The following MKLN1 variants were observed in gnomAD, a reference collection of about 807,000 sequenced individuals.
MKLN1 encodes muskelin 1.
MKLN1 carries 18 observed loss-of-function variants against 99.0 expected under a neutral mutation model. That is an observed-to-expected ratio of 0.18 (90% CI 0.13 to 0.27). MKLN1 has a LOEUF of 0.27. Among genes scored for constraint, MKLN1 ranks in the 10% least tolerant of loss-of-function variants. MKLN1 has a pLI of 1.00. For synonymous variants in MKLN1, 288 were observed against 293.2 expected (o/e 0.98, Z 0.18); for missense variants, 621 against 875.9 (o/e 0.71, Z 3.67).
rs754415205 is a variant in MKLN1, at chr7:131,142,981, C to CA, written c.-297+46dup. The CA allele has an allele frequency of 4.8e-6, 6 of 1,259,760 alleles. No individual in the cohort carries two copies. The African/African-American group carries it at 9.3e-5, about 19-fold the overall frequency. The allele number at this position is 1,259,760 out of a possible 1,614,324, so 78.0% of individuals were successfully genotyped here. A position where few individuals can be genotyped will look rare whatever the true frequency, so the allele number is the denominator to read the frequency against. On this transcript the variant is annotated intron_variant, in intron 2 of 7. Coordinates refer to the MKLN1 transcript ENST00000416992. ...TTTAGTTTTTTCTTTCTTTAGTTGTCAAAAAAGTACTGTACCTATATAGTA... is the reference window on the plus strand; with the variant it reads ...TTTAGTTTTTTCTTTCTTTAGTTGTCAAAAAAAGTACTGTACCTATATAGTA...
At chr7:131,194,652 C>G (rs533378422) in intron 2 of MKLN1, among the ~76,000 whole-genome samples, 2 of 152,208 alleles carry the variant, frequency 1.3e-5, no homozygotes, top group Non-Finnish European at 2.9e-5. Flanking sequence ...TTTCATTTCC[C>G]TTATCACAAA....
At chr7:131,199,716 C>T (rs567083660) in intron 2 of MKLN1, among the ~76,000 whole-genome samples, 38 of 152,296 alleles carry the variant, frequency 2.5e-4, no homozygotes, top group Non-Finnish European at 5.0e-4. Flanking sequence ...AAAATTGAGA[C>T]GGAGTCTCAC....
chr7:131,334,891 A>T (rs939605098), intron 1 of MKLN1, among the ~76,000 whole-genome samples: 11 of 152,220 alleles, frequency 7.2e-5, no homozygotes, highest in African/African-American at 2.7e-4. Context: ...GAGATCCCTA[A>T]TTACTGTTTG....
chr7:131,373,047 T>C (rs1475576927), intron 1 of MKLN1, among the ~76,000 whole-genome samples: 1 of 151,984 alleles, frequency 6.6e-6, no homozygotes, highest in Non-Finnish European at 1.5e-5. Context: ...ACACAGTCAT[T>C]GTCGTGGTTG....
intron 16 of MKLN1, among the ~76,000 whole-genome samples, chr7:131,477,244 G>T (rs915594073): frequency 5.9e-5 from 9 of 152,000 alleles, no homozygotes; most frequent in African/African-American, 2.2e-4. Context: ...CTCATTAAAG[G>T]ACTTTTAAAA....
intron 1 of MKLN1, among the ~76,000 whole-genome samples, chr7:131,332,388 C>T (rs978840864): frequency 6.8e-6 from 1 of 147,636 alleles, no homozygotes; most frequent in Non-Finnish European, 1.5e-5. Flanking sequence ...TTTGTCTCTA[C>T]AAAAGAAAAA....
intron 3 of MKLN1, among the ~76,000 whole-genome samples, chr7:131,219,209 T>A (rs985247098): frequency 4.2e-5 from 3 of 71,574 alleles, no homozygotes; most frequent in African/African-American, 8.2e-5. Flanking sequence ...ATTTTGGGTA[T>A]TTTTTACCAC....
At position 131,443,623 on chromosome 7, in the gene MKLN1, A is replaced by C. The variant is rs370518867; in HGVS notation, c.1316A>C (p.Lys439Thr). 39 of 1,614,014 alleles carry C rather than the reference A, an allele frequency of 2.4e-5. No individual in the cohort carries two copies. Among genetic ancestry groups the C allele is most frequent in the Non-Finnish European group, 3.1e-5 (37 of 1,180,002 alleles). ...FAFNCQCQTWKLLREDSCNAG... is the reference protein window; with the variant it reads ...FAFNCQCQTWTLLREDSCNAG... Reference sequence around the variant, plus strand: ...TTCAACTGTCAATGTCAAACCTGGAAACTTCTTCGAGAGGACTCCTGTAAT... The same window carrying C: ...TTCAACTGTCAATGTCAAACCTGGACACTTCTTCGAGAGGACTCCTGTAAT... Residue 439 changes from lysine (K) to threonine (T), a missense_variant, in exon 11 of 18, where the codon AAA becomes ACA. By Grantham distance (78) the Lys-to-Thr change is moderately conservative. Coordinates refer to ENST00000352689, the MANE Select transcript of MKLN1 (RefSeq NM_013255.5).
chr7:131,394,523 C>T (rs937807436), intron 4 of MKLN1, among the ~76,000 whole-genome samples: 1 of 152,030 alleles, frequency 6.6e-6, no homozygotes, highest in African/African-American at 2.4e-5. Flanking sequence ...GCTGATCTGA[C>T]AGGAGGCAGA....
At chr7:131,424,827 T>A (rs1164925415) in intron 8 of MKLN1, among the ~76,000 whole-genome samples, 2 of 152,308 alleles carry the variant, frequency 1.3e-5, no homozygotes, top group East Asian at 3.9e-4. Context: ...CTTCAGTCAG[T>A]CCTGTATGCT....
At chr7:131,405,588 A>C (rs1205119113) in intron 6 of MKLN1, among the ~76,000 whole-genome samples, 1 of 152,060 alleles carries the variant, frequency 6.6e-6, no homozygotes, top group Non-Finnish European at 1.5e-5. Context: ...TATACATTTA[A>C]ATATATAAAA....
chr7:131,469,217 G>A (rs552785594), intron 15 of MKLN1, among the ~76,000 whole-genome samples: 5 of 152,252 alleles, frequency 3.3e-5, no homozygotes, highest in African/African-American at 1.2e-4. Flanking sequence ...TGGATGGATG[G>A]ATGGATGGCC....
At chr7:131,408,633 T>G (rs898102457) in intron 6 of MKLN1, among the ~76,000 whole-genome samples, 4 of 152,122 alleles carry the variant, frequency 2.6e-5, no homozygotes, top group African/African-American at 9.7e-5. Flanking sequence ...TATGTGTATG[T>G]GGGCATGTGT....
At chr7:131,356,648 C>T (rs576622579) in intron 1 of MKLN1, among the ~76,000 whole-genome samples, 3 of 152,242 alleles carry the variant, frequency 2.0e-5, no homozygotes, top group South Asian at 2.1e-4. Context: ...TCGCCTCTGT[C>T]GTGTCCCACT....
At chr7:131,311,427 A>G (rs184067476) in intron 3 of MKLN1, among the ~76,000 whole-genome samples, 1 of 152,170 alleles carries the variant, frequency 6.6e-6, no homozygotes, top group South Asian at 2.1e-4. Flanking sequence ...ACCAAGACAC[A>G]TTAAAATTTT....
At chr7:131,428,013 CA>C (rs1220040467) in intron 8 of MKLN1, among the ~76,000 whole-genome samples, 2 of 151,738 alleles carry the variant, frequency 1.3e-5, no homozygotes, top group African/African-American at 4.8e-5. Context: ...CCCACCCCCC[CA>C]AAAAAAGTTA....
chr7:131,326,588 A>C (rs1034267168), upstream of MKLN1, among the ~76,000 whole-genome samples: 1 of 151,928 alleles, frequency 6.6e-6, no homozygotes, highest in Non-Finnish European at 1.5e-5. Flanking sequence ...CAGGTGATCC[A>C]CCCACCTCAG....
At chr7:131,159,218 C>T (rs1796012236) in intron 2 of MKLN1, among the ~76,000 whole-genome samples, 1 of 151,954 alleles carries the variant, frequency 6.6e-6, no homozygotes, top group Non-Finnish European at 1.5e-5. Context: ...AAGAAAGTGA[C>T]TAATGCTATG....
intron 2 of MKLN1, among the ~76,000 whole-genome samples, chr7:131,162,573 T>C (rs995327768): frequency 6.6e-6 from 1 of 152,214 alleles, no homozygotes; most frequent in Non-Finnish European, 1.5e-5. Flanking sequence ...TAAAATTACC[T>C]TCAGGCCATG....
Sources: gnomAD v4.1 joint callset for allele counts (sites outside exome capture counted in the v4.1 genomes callset) on GRCh38, gnomAD v4.1.1 for gene constraint, MANE v1.5 for transcripts, NCBI Gene and HGNC (gene_info 2026-07-23, HGNC 2026-07-21) for gene names.